Variants in LAMB1 observed in about 807,000 individuals in gnomAD.
LAMB1 encodes the protein laminin subunit beta-1.
In LAMB1, 121 loss-of-function variants were observed where a neutral mutation model predicts 222.3. The ratio of observed to expected loss-of-function variants is 0.54; its 90% CI spans 0.47 to 0.63. LAMB1 has a LOEUF of 0.63. Ranked by LOEUF, LAMB1 falls within the 30% of genes least tolerant of loss-of-function variation. The probability of loss-of-function intolerance (pLI) is 0.00; values close to 1 mark genes in which losing one functional copy is unlikely to be tolerated. For synonymous variants in LAMB1, 794 were observed against 807.2 expected (o/e 0.98, Z 0.28); for missense variants, 2,172 against 2,240.8 (o/e 0.97, Z 0.62).
chr7:107,950,965 T>A, intron 24 of LAMB1: 3 of 354,620 alleles, frequency 8.5e-6, no homozygotes, highest in Non-Finnish European at 1.1e-5. Flanking sequence ...TGTGTGTGCT[T>A]ACACACAGAA....
chr7:107,937,559 T>C (rs1215824441), intron 25 of LAMB1, among the ~76,000 whole-genome samples: 1 of 152,224 alleles, frequency 6.6e-6, no homozygotes, highest in African/African-American at 2.4e-5. Context: ...TGCTGTAAGA[T>C]GAGCACAGGT....
intron 8 of LAMB1, among the ~76,000 whole-genome samples, chr7:107,979,200 G>C (rs1039220055): frequency 6.6e-6 from 1 of 152,064 alleles, no homozygotes; most frequent in African/African-American, 2.4e-5. Flanking sequence ...CTAGCATTCT[G>C]AAAGATGGAC....
At chr7:107,974,964 C>G (rs2033821561) in intron 12 of LAMB1, 22 bp downstream of exon 12, 2 of 1,341,530 alleles carry the variant, frequency 1.5e-6, no homozygotes, top group South Asian at 2.3e-5. Flanking sequence ...CCACCCATCC[C>G]ACGTAATGAG....
At chr7:107,971,233 CCTCT>C in intron 13 of LAMB1, among the ~76,000 whole-genome samples, 1 of 152,152 alleles carries the variant, frequency 6.6e-6, no homozygotes, top group Non-Finnish European at 1.5e-5. Context: ...TTAGAGATTG[CCTCT>C]CTAAGGAGTA....
chr7:107,973,233 A>T (rs2033784752), intron 12 of LAMB1, among the ~76,000 whole-genome samples, 162 bp from the exon 13 acceptor site: 1 of 152,206 alleles, frequency 6.6e-6, no homozygotes, highest in African/African-American at 2.4e-5. Context: ...GAAATCAAGA[A>T]ACCTGAGCTG....
Position 107,935,438 on chromosome 7 carries a change from C to G in LAMB1, c.4165G>C (p.Asp1389His). The stretch of plus-strand genomic sequence containing the variant: ...ACCATTTCGGCAGCGGCTGAAAGGT[C>G]TAGGCTTTGTAGCTTGCCTGCCAGT... ...DELAGKLQSLDLSAAAEMTCG... is the reference protein window; with the variant it reads ...DELAGKLQSLHLSAAAEMTCG... Residue 1389 changes from aspartate (D) to histidine (H), a missense_variant, in exon 27 of 34, where the codon GAC becomes CAC. Transcript: ENST00000222399. The G allele has an allele frequency of 6.6e-7, 1 of 1,524,622 alleles. No homozygotes were observed. The highest frequency in any genetic ancestry group is 8.8e-7 in the Non-Finnish European group (1 of 1,130,390). 94.4% of individuals were successfully genotyped at this position (1,524,622 alleles called of 1,614,324 possible).
At chr7:107,929,343 TAA>T in intron 30 of LAMB1, 67 bp downstream of exon 30, 3 of 1,519,954 alleles carry the variant, frequency 2.0e-6, no homozygotes, top group Non-Finnish European at 2.7e-6. Context: ...TTTCATTGGT[TAA>T]AGAGATACTT....
chr7:107,938,303 C>T (rs1379126302), intron 25 of LAMB1, among the ~76,000 whole-genome samples: 1 of 152,074 alleles, frequency 6.6e-6, no homozygotes, highest in African/African-American at 2.4e-5. Flanking sequence ...CATTTCAGTG[C>T]CTTTTTTTCC....
intron 24 of LAMB1, among the ~76,000 whole-genome samples, chr7:107,948,150 T>C (rs184928272): frequency 1.3e-5 from 2 of 152,066 alleles, no homozygotes; most frequent in East Asian, 3.9e-4. Context: ...TCTCACCTGA[T>C]TAATTTTCGT....
At chr7:107,964,935 C>T (rs113260302) in intron 13 of LAMB1, among the ~76,000 whole-genome samples, 13 of 152,198 alleles carry the variant, frequency 8.5e-5, no homozygotes, top group African/African-American at 2.7e-4. Flanking sequence ...ACACGCCGTC[C>T]GCATCACATG....
chr7:107,972,408 G>A (rs2033767415), intron 13 of LAMB1, among the ~76,000 whole-genome samples: 1 of 152,154 alleles, frequency 6.6e-6, no homozygotes, highest in African/African-American at 2.4e-5. Context: ...GCCAGGAACA[G>A]AGACCAACAT....
intron 7 of LAMB1, among the ~76,000 whole-genome samples, chr7:107,984,525 G>A (rs570753171): frequency 4.6e-5 from 7 of 152,264 alleles, no homozygotes; most frequent in Middle Eastern, 3.4e-3. Flanking sequence ...TGGGGATTAC[G>A]GAGTGAGCCT....
intron 4 of LAMB1, among the ~76,000 whole-genome samples, chr7:107,997,125 G>A (rs2034294575): frequency 6.6e-6 from 1 of 152,176 alleles, no homozygotes; most frequent in African/African-American, 2.4e-5. Context: ...AGAAAATATT[G>A]CAATTTAACA....
intron 7 of LAMB1, among the ~76,000 whole-genome samples, chr7:107,985,286 A>T (rs2034051843): frequency 1.3e-5 from 2 of 152,202 alleles, no homozygotes; most frequent in Admixed American, 6.5e-5. Context: ...CTGAATATTT[A>T]GATTCTGAGT....
intron 24 of LAMB1, among the ~76,000 whole-genome samples, chr7:107,945,248 A>G (rs2033091072): frequency 1.3e-5 from 2 of 152,204 alleles, no homozygotes; most frequent in Admixed American, 1.3e-4. Context: ...AAGCTATTGT[A>G]CCGATTTTAA....
At chr7:107,924,906 G>A (rs939626870) in intron 32 of LAMB1, among the ~76,000 whole-genome samples, 1 of 152,174 alleles carries the variant, frequency 6.6e-6, no homozygotes, top group African/African-American at 2.4e-5. Flanking sequence ...GGGTTGGAAT[G>A]CAAATGATTC....
chr7:107,995,666 C>T (rs531992449), intron 4 of LAMB1, among the ~76,000 whole-genome samples: 5 of 152,172 alleles, frequency 3.3e-5, no homozygotes, highest in Non-Finnish European at 7.3e-5. Context: ...CAGTCAGTCT[C>T]ACTTAAACAC....
At position 107,953,657 on chromosome 7, in the gene LAMB1, C is replaced by T. The variant is rs1406717979; in HGVS notation, c.2952G>A (p.Thr984=). 1.1e-5 allele frequency: 18 copies of T among 1,614,006 alleles called. 1 individual carries two copies. The highest frequency in any genetic ancestry group is 6.7e-5 in the Admixed American group (4 of 59,990). ...QPCQCHNNID[T]TDPEACDKET... ...CCTTGTCACAGGCTTCTGGGTCTGT[C>T]GTGTCAATGTTGTTGTGACACTGGC... is the stretch of plus-strand genomic sequence containing the variant. Residue 984 remains threonine (T), a synonymous_variant, in exon 22 of 34, where the codon ACG becomes ACA. Transcript: ENST00000222399.
At chr7:107,982,685 C>T (rs997661457) in intron 7 of LAMB1, among the ~76,000 whole-genome samples, 2 of 152,136 alleles carry the variant, frequency 1.3e-5, no homozygotes, top group Non-Finnish European at 2.9e-5. Context: ...CTCAGTAGAG[C>T]AAATATGCTC....
Sources: allele counts gnomAD v4.1 joint callset (sites outside exome capture counted in the v4.1 genomes callset), GRCh38; gene constraint gnomAD v4.1.1; transcripts MANE v1.5; gene names NCBI Gene and HGNC (gene_info 2026-07-23, HGNC 2026-07-21).